CSNK1G1: variants seen among roughly 807,000 people sequenced by gnomAD.
The protein encoded by CSNK1G1 is casein kinase 1 gamma 1, also known as casein kinase I isoform gamma-1.
In CSNK1G1, 22 loss-of-function variants were observed where a neutral mutation model predicts 59.6. That is an observed-to-expected ratio of 0.37 (90% CI 0.26 to 0.53). CSNK1G1 has a LOEUF of 0.53. Among genes scored for constraint, CSNK1G1 ranks in the 20% least tolerant of loss-of-function variants. The probability of loss-of-function intolerance (pLI) is 0.89; values close to 1 mark genes in which losing one functional copy is unlikely to be tolerated. For synonymous variants in CSNK1G1, 179 were observed against 177.1 expected (o/e 1.01, Z -0.08); for missense variants, 384 against 519.5 (o/e 0.74, Z 2.54).
chr15:64,326,473 G>A (rs542631933), intron 1 of CSNK1G1, among the ~76,000 whole-genome samples: 10 of 152,122 alleles, frequency 6.6e-5, no homozygotes, highest in East Asian at 5.8e-4. Context: ...GTGAAACTCC[G>A]TCTCTACTAA....
intron 1 of CSNK1G1, among the ~76,000 whole-genome samples, chr15:64,336,386 T>G (rs1226966031): frequency 6.6e-6 from 1 of 152,222 alleles, no homozygotes; most frequent in South Asian, 2.1e-4. Context: ...AGCCCAGGAA[T>G]TCTACTGAAG....
At chr15:64,300,787 C>G (rs1259904885) in intron 1 of CSNK1G1, 64 bp from the exon 2 acceptor site, 1 of 1,026,804 alleles carries the variant, frequency 9.7e-7, no homozygotes, top group African/African-American at 1.7e-5. Context: ...CAGAAAGTCA[C>G]TACCAATTAG....
intron 4 of CSNK1G1, among the ~76,000 whole-genome samples, chr15:64,229,653 T>G (rs915578290): frequency 6.6e-6 from 1 of 150,596 alleles, no homozygotes; most frequent in Non-Finnish European, 1.5e-5. Context: ...AAAGAAGAGG[T>G]GAGAAAAAAA....
At chr15:64,328,442 G>C (rs1316304890) in intron 1 of CSNK1G1, among the ~76,000 whole-genome samples, 1 of 110,248 alleles carries the variant, frequency 9.1e-6, no homozygotes, top group South Asian at 3.6e-4. Flanking sequence ...AAGTGAAGGA[G>C]AAATAAAATA....
chr15:64,199,397 C>G (rs2082079800), intron 10 of CSNK1G1, among the ~76,000 whole-genome samples: 1 of 151,830 alleles, frequency 6.6e-6, no homozygotes, highest in East Asian at 1.9e-4. Context: ...ATACTGTGGT[C>G]AGAGACTTTT....
chr15:64,216,516 C>T lies in CSNK1G1; in HGVS notation c.444+46G>A. On this transcript the variant is annotated intron_variant, in intron 5 of 11. Coordinates refer to ENST00000303052, the MANE Select transcript of CSNK1G1 (RefSeq NM_022048.5). This position sits in a 1 kb window ranked among gnomAD's most constrained non-coding sequence, Gnocchi z 4.6. Reference sequence around the variant, plus strand: ...CACCAAAAGGCCCACAAGGATGTGGCTGAGGAACCAGCTTATTCTCTTCTA... The same window carrying T: ...CACCAAAAGGCCCACAAGGATGTGGTTGAGGAACCAGCTTATTCTCTTCTA... 6.3e-7 allele frequency: 1 copy of T among 1,591,618 alleles called. No homozygotes were observed.
At chr15:64,182,829 G>C (rs1001961048) in intron 10 of CSNK1G1, among the ~76,000 whole-genome samples, 8 of 152,134 alleles carry the variant, frequency 5.3e-5, no homozygotes, top group African/African-American at 1.9e-4. Context: ...CTGTAGAGTT[G>C]AAATTTTCAA....
chr15:64,173,898 G>A (rs1240444158), intron 11 of CSNK1G1, among the ~76,000 whole-genome samples: 1 of 152,134 alleles, frequency 6.6e-6, no homozygotes, highest in Non-Finnish European at 1.5e-5. Context: ...ACAGGTGTAA[G>A]CCACTATGCC....
At chr15:64,270,003 C>T (rs1447606016) in intron 2 of CSNK1G1, among the ~76,000 whole-genome samples, 1 of 150,942 alleles carries the variant, frequency 6.6e-6, no homozygotes, top group Non-Finnish European at 1.5e-5. Flanking sequence ...GACAGGGTTT[C>T]GCCATACTGG....
chr15:64,277,529 T>G (rs1272816621), intron 2 of CSNK1G1, among the ~76,000 whole-genome samples: 1 of 147,146 alleles, frequency 6.8e-6, no homozygotes, highest in Non-Finnish European at 1.5e-5. Flanking sequence ...CTGCTACAAG[T>G]TTTCATATTG....
chr15:64,222,833 G>C (rs2082408746), intron 4 of CSNK1G1, among the ~76,000 whole-genome samples: 1 of 152,096 alleles, frequency 6.6e-6, no homozygotes. Context: ...AAAGGGTTTT[G>C]CTTTGTTTTA....
intron 1 of CSNK1G1, among the ~76,000 whole-genome samples, chr15:64,346,603 G>A (rs985563741): frequency 3.3e-5 from 5 of 151,852 alleles, no homozygotes; most frequent in South Asian, 2.1e-4. Flanking sequence ...GATTACAGAC[G>A]CACACCACCA....
At chr15:64,232,617 TA>T (rs1479424771) in intron 4 of CSNK1G1, among the ~76,000 whole-genome samples, 2 of 152,188 alleles carry the variant, frequency 1.3e-5, no homozygotes, top group Non-Finnish European at 2.9e-5. Flanking sequence ...AACCTTGACA[TA>T]CTATGAGCTA....
chr15:64,220,555 T>G (rs2082375259), intron 4 of CSNK1G1, among the ~76,000 whole-genome samples: 2 of 150,752 alleles, frequency 1.3e-5, no homozygotes, highest in African/African-American at 4.9e-5. Flanking sequence ...GGAGTGCAGT[T>G]GCATGATCTT....
Position 64,210,627 on chromosome 15 carries a change from A to AG in CSNK1G1, c.680-3034_680-3033insC, listed in dbSNP as rs1299140023. ...ACATCCCTGATTTTAGGTTAAATAT[A>AG]TTTGTTGAAGGCAGGGAGCAAGGTA... On this transcript the variant is annotated intron_variant, in intron 6 of 11. Coordinates refer to ENST00000303052, the MANE Select transcript of CSNK1G1 (RefSeq NM_022048.5). This position sits in a 1 kb window ranked among gnomAD's most constrained non-coding sequence, Gnocchi z 4.2. Among the ~76,000 whole-genome samples the AG allele has an allele frequency of 6.6e-6, 1 of 152,140 alleles. No individual in the cohort carries two copies. The highest frequency in any genetic ancestry group is 1.5e-5 in the Non-Finnish European group (1 of 68,012).
intron 1 of CSNK1G1, 84 bp from the exon 2 acceptor site, chr15:64,300,807 T>C: frequency 1.2e-6 from 1 of 860,290 alleles, no homozygotes; most frequent in Non-Finnish European, 1.5e-6. Context: ...GAATGAATCC[T>C]ATCCAAAGGT....
chr15:64,301,886 C>CA lies in CSNK1G1; in HGVS notation c.-224-1164dup, dbSNP rs1368558306. On this transcript the variant is annotated intron_variant, in intron 1 of 11. Transcript: ENST00000303052. ...TGAGTGACAGAGTGAGACTCCGTCTCAAAAAAAAAAAGAAAGAAAGAAAGA... is the reference window on the plus strand; with the variant it reads ...TGAGTGACAGAGTGAGACTCCGTCTCAAAAAAAAAAAAGAAAGAAAGAAAGA... 4.2e-4 allele frequency among the ~76,000 whole-genome samples: 55 copies of CA among 130,124 alleles called. 1 individual carries two copies. Among genetic ancestry groups the CA allele is most frequent in the East Asian group, 2.0e-3 (9 of 4,530 alleles). 85.4% of individuals were successfully genotyped at this position (130,124 alleles called of 152,430 possible).
At chr15:64,228,754 G>A (rs371823761) in intron 4 of CSNK1G1, among the ~76,000 whole-genome samples, 1 of 152,140 alleles carries the variant, frequency 6.6e-6, no homozygotes, top group East Asian at 1.9e-4. Context: ...GGTGGCTCAC[G>A]CCCATAATCC....
At chr15:64,287,317 C>T (rs1374880287) in intron 2 of CSNK1G1, among the ~76,000 whole-genome samples, 1 of 152,136 alleles carries the variant, frequency 6.6e-6, no homozygotes, top group Non-Finnish European at 1.5e-5. Flanking sequence ...CTGGACTTCA[C>T]ATATTAAGTT....
Sources: gnomAD v4.1 joint callset for allele counts (sites outside exome capture counted in the v4.1 genomes callset) on GRCh38, gnomAD v4.1.1 for gene constraint, Gnocchi (gnomAD v3.1) non-coding constraint, MANE v1.5 for transcripts, NCBI Gene and HGNC (gene_info 2026-07-23, HGNC 2026-07-21) for gene names.